Variants in NOS1AP observed in about 807,000 individuals in gnomAD.
The protein encoded by NOS1AP is nitric oxide synthase 1 adaptor protein, also known as carboxyl-terminal PDZ ligand of neuronal nitric oxide synthase protein.
NOS1AP carries 21 observed loss-of-function variants against 56.2 expected under a neutral mutation model. The observed-to-expected ratio is 0.37, with a 90% CI of 0.26 to 0.54. The LOEUF (loss-of-function observed/expected upper bound fraction) is 0.54. Ranked by LOEUF, NOS1AP falls within the 20% of genes least tolerant of loss-of-function variation. The pLI is 0.84. For synonymous variants in NOS1AP, 270 were observed against 274.6 expected, an observed-to-expected ratio of 0.98 and a Z score of 0.17; for missense variants, 522 against 657.8, an observed-to-expected ratio of 0.79 and a Z score of 2.26.
chr1:162,278,165 A>T (rs1654804054), intron 2 of NOS1AP, among the ~76,000 whole-genome samples: 1 of 152,124 alleles, frequency 6.6e-6, no homozygotes, highest in Non-Finnish European at 1.5e-5. Context: ...CTATGTTGGT[A>T]TACATTTGCC....
chr1:162,360,287 C>T (rs1046466538), intron 8 of NOS1AP, among the ~76,000 whole-genome samples: 4 of 152,188 alleles, frequency 2.6e-5, no homozygotes, highest in South Asian at 2.1e-4. Flanking sequence ...ACCGCTCTTC[C>T]GACCCAGCAT....
rs139028388 is a variant in NOS1AP at position 162,210,873 on chromosome 1, G to A, written c.177+56397G>A. Among the ~76,000 whole-genome samples, 675 of 152,294 alleles carry A rather than the reference G, an allele frequency of 4.4e-3. 5 individuals carry two copies. The highest frequency in any genetic ancestry group is 0.015 in the African/African-American group (636 of 41,546). On this transcript the variant is annotated intron_variant, in intron 2 of 9. Transcript: ENST00000361897. ...TTGCACACAACGAGTATGGCCCAGCGACTGAACTGGCTGTCACTGTCAGGC... is the reference window on the plus strand; with the variant it reads ...TTGCACACAACGAGTATGGCCCAGCAACTGAACTGGCTGTCACTGTCAGGC...
At chr1:162,238,104 G>A (rs1335489772) in intron 2 of NOS1AP, among the ~76,000 whole-genome samples, 4 of 152,002 alleles carry the variant, frequency 2.6e-5, no homozygotes, top group African/African-American at 4.8e-5. Flanking sequence ...TTTAATGAGA[G>A]CATCATTTAC....
intron 2 of NOS1AP, among the ~76,000 whole-genome samples, chr1:162,214,655 T>C (rs767801064): frequency 6.6e-6 from 1 of 152,236 alleles, no homozygotes; most frequent in Non-Finnish European, 1.5e-5. Context: ...AGTAGCCTTT[T>C]CTTCATTAGA....
chr1:162,106,242 C>T (rs1018788119), intron 1 of NOS1AP, among the ~76,000 whole-genome samples: 5 of 152,304 alleles, frequency 3.3e-5, no homozygotes, highest in East Asian at 3.9e-4. Context: ...CCCTTGGCTC[C>T]GTGCAGCTCC....
intron 1 of NOS1AP, among the ~76,000 whole-genome samples, chr1:162,081,624 G>A (rs1045421873): frequency 1.0e-4 from 15 of 147,418 alleles, no homozygotes; most frequent in Non-Finnish European, 1.9e-4. Context: ...ATGACTCATT[G>A]CAGCCTTGAC....
chr1:162,289,722 A>G (rs1026005046), intron 3 of NOS1AP, among the ~76,000 whole-genome samples: 8 of 151,258 alleles, frequency 5.3e-5, no homozygotes, highest in Admixed American at 3.3e-4. Context: ...TTATCCACCC[A>G]CCTCAGCCTC....
intron 1 of NOS1AP, among the ~76,000 whole-genome samples, chr1:162,088,694 C>T (rs933749335): frequency 2.0e-5 from 3 of 152,110 alleles, no homozygotes; most frequent in South Asian, 2.1e-4. Flanking sequence ...CAGGCCAAGA[C>T]GGTTTGAGGT....
chr1:162,335,683 G>A (rs1656920526), intron 5 of NOS1AP, among the ~76,000 whole-genome samples: 1 of 152,144 alleles, frequency 6.6e-6, no homozygotes. Flanking sequence ...GTTCTCCGGA[G>A]CCCTCGTGTT....
At chr1:162,157,289 G>C (rs560969011) in intron 2 of NOS1AP, 1 of 152,636 alleles carries the variant, frequency 6.6e-6, no homozygotes, top group South Asian at 2.1e-4. Context: ...TGGCCAGAAA[G>C]CTGTTTGGTC....
In NOS1AP at chr1:162,367,348, T is replaced by A; in HGVS notation, c.1402T>A (p.Ser468Thr). 6.2e-7 allele frequency: 1 copy of A among 1,612,846 alleles called. No individual in the cohort carries two copies. Residue 468 changes from serine (S) to threonine (T), a missense_variant, in exon 10 of 10, where the codon TCC (serine) becomes ACC (threonine). Physicochemically the swap from Ser to Thr is moderately conservative, Grantham distance 58 (BLOSUM62 1). Coordinates refer to ENST00000361897, the MANE Select transcript of NOS1AP (RefSeq NM_014697.3). The surrounding 1 kb of genome is among the most constrained non-coding windows in gnomAD (Gnocchi z 6.5). ...RESGIASEYE[S>T]NTDESEERDS... ...GTCAGGCATCGCCTCGGAGTACGAG[T>A]CCAACACGGACGAGAGCGAGGAGCG...
intron 2 of NOS1AP, among the ~76,000 whole-genome samples, chr1:162,183,203 G>T (rs1651320537): frequency 6.6e-6 from 1 of 152,164 alleles, no homozygotes; most frequent in Admixed American, 6.5e-5. Flanking sequence ...TGGGTAACCA[G>T]GTGCATTGTT....
intron 1 of NOS1AP, among the ~76,000 whole-genome samples, chr1:162,086,464 T>C (rs1302391260): frequency 6.6e-6 from 1 of 152,146 alleles, no homozygotes; most frequent in Admixed American, 6.5e-5. Context: ...CCCTGGCTGG[T>C]GAGATCCTTA....
chr1:162,188,853 A>G lies in NOS1AP; in HGVS notation c.177+34377A>G, dbSNP rs571273836. ...CGGATCACGAGATCAGGAGTTCGAG[A>G]CCAGCCTGGCCAACCTGGTCAGGAG... is the stretch of plus-strand genomic sequence containing the variant. On this transcript the variant is annotated intron_variant, in intron 2 of 9. Coordinates refer to ENST00000361897, the MANE Select transcript of NOS1AP (RefSeq NM_014697.3). The surrounding 1 kb of genome is among the most constrained non-coding windows in gnomAD (Gnocchi z 4.0). Among the ~76,000 whole-genome samples, 8 of 152,276 alleles carry G rather than the reference A, an allele frequency of 5.3e-5. No individual in the cohort carries two copies. The South Asian group carries it at 1.7e-3, about 32-fold the overall frequency.
intron 2 of NOS1AP, among the ~76,000 whole-genome samples, chr1:162,167,149 A>T (rs1337511919): frequency 1.3e-5 from 2 of 152,216 alleles, no homozygotes. Context: ...ACGAAGGTTT[A>T]TGGTGGAAAT....
chr1:162,108,296 A>G (rs1456784798), intron 1 of NOS1AP, among the ~76,000 whole-genome samples: 1 of 152,234 alleles, frequency 6.6e-6, no homozygotes, highest in Non-Finnish European at 1.5e-5. Context: ...TCAGGAACCA[A>G]CGTGAAGAGG....
intron 1 of NOS1AP, among the ~76,000 whole-genome samples, chr1:162,121,454 C>A (rs74972894): frequency 0.075 from 11,462 of 152,102 alleles, 530 homozygotes; most frequent in African/African-American, 0.13. Flanking sequence ...TCTCATTGTG[C>A]AAACCAGGAA....
chr1:162,275,371 T>C (rs775188526), intron 2 of NOS1AP, among the ~76,000 whole-genome samples: 3 of 152,178 alleles, frequency 2.0e-5, no homozygotes, highest in Non-Finnish European at 2.9e-5. Flanking sequence ...AGAGATGGGG[T>C]TTCACCATGT....
At chr1:162,296,593 C>A (rs1655469742) in intron 3 of NOS1AP, among the ~76,000 whole-genome samples, 1 of 152,158 alleles carries the variant, frequency 6.6e-6, no homozygotes, top group Admixed American at 6.5e-5. Context: ...TTCTGTAGAT[C>A]CTGCTAATGC....
Sources: allele counts gnomAD v4.1 joint callset (sites outside exome capture counted in the v4.1 genomes callset), GRCh38; gene constraint gnomAD v4.1.1; non-coding constraint Gnocchi (gnomAD v3.1); transcripts MANE v1.5; gene names NCBI Gene and HGNC (gene_info 2026-07-23, HGNC 2026-07-21).